The following P3H2 variants were observed in gnomAD, a reference collection of about 807,000 sequenced individuals.
The protein encoded by P3H2 is leprecan-like 1.
Under a neutral mutation model 87.0 loss-of-function variants are expected in P3H2, and 80 were observed. The observed-to-expected ratio is 0.92, with a 90% confidence interval of 0.77 to 1.11. The LOEUF is 1.11. Ranked by LOEUF, P3H2 falls within the 50% of genes least tolerant of loss-of-function variation. The pLI is 0.00. For missense variants in P3H2, 1,001 were observed against 923.9 expected, an observed-to-expected ratio of 1.08 and a Z score of -1.08; for synonymous variants, 367 against 359.3, an observed-to-expected ratio of 1.02 and a Z score of -0.24.
chr3:189,959,860 ATGTG>A (rs75204350), intron 14 of P3H2, among the ~76,000 whole-genome samples: 3,458 of 134,646 alleles, frequency 0.026, 108 homozygotes, highest in African/African-American at 0.078. Context: ...TGGAGGAGAT[ATGTG>A]TGTGTGTGTG....
At chr3:189,994,422 G>T in intron 2 of P3H2, 139 bp from the exon 3 acceptor site, 1 of 680,240 alleles carries the variant, frequency 1.5e-6, no homozygotes, top group South Asian at 1.8e-5. Flanking sequence ...GCTGCGGAGG[G>T]ATAAAGAAGG....
At chr3:189,986,739 G>T in intron 6 of P3H2, 49 bp downstream of exon 6, 2 of 1,301,696 alleles carry the variant, frequency 1.5e-6, no homozygotes, top group South Asian at 1.2e-5. Flanking sequence ...AACATAAAAA[G>T]GATTCCACTG....
At chr3:190,061,872 G>A (rs146001679) in intron 1 of P3H2, among the ~76,000 whole-genome samples, 2 of 152,276 alleles carry the variant, frequency 1.3e-5, no homozygotes, top group East Asian at 1.9e-4. Flanking sequence ...TCCTCAGTCT[G>A]TCCAGGCTTT....
Position 189,957,739 on chromosome 3 carries a change from C to T in P3H2, c.*173G>A. The T allele has an allele frequency of 1.7e-6, 1 of 602,218 alleles. No individual in the cohort carries two copies. Among genetic ancestry groups the T allele is most frequent in the East Asian group, 2.8e-5 (1 of 35,364 alleles). 37.3% of individuals were successfully genotyped at this position (602,218 alleles called of 1,614,324 possible). ...GAGAGAGAGAGAAAACAACCCAAAACAAGAAAGATAGATTGATAGATTGAG... is the reference window on the plus strand; with the variant it reads ...GAGAGAGAGAGAAAACAACCCAAAATAAGAAAGATAGATTGATAGATTGAG... On this transcript the variant is annotated 3_prime_UTR_variant, in exon 15 of 15. Coordinates refer to ENST00000319332, the MANE Select transcript of P3H2 (RefSeq NM_018192.4).
In P3H2 at chr3:190,041,063, C is replaced by T. The variant is rs1207892262; in HGVS notation, c.481-45621G>A. The stretch of plus-strand genomic sequence containing the variant: ...ACACACACACACACACACACACACA[C>T]ACACACACACACACACACTCTCTCT... On this transcript the variant is annotated intron_variant, in intron 1 of 14. Coordinates refer to ENST00000319332, the MANE Select transcript of P3H2 (RefSeq NM_018192.4). 4.8e-3 allele frequency among the ~76,000 whole-genome samples: 185 copies of T among 38,326 alleles called. 10 individuals carry two copies. The highest frequency in any genetic ancestry group is 0.036 in the East Asian group (36 of 1,014). The allele number at this position is 38,326 out of a possible 152,430, so 25.1% of individuals were successfully genotyped here. A position where few individuals can be genotyped will look rare whatever the true frequency, so the allele number is the denominator to read the frequency against.
chr3:189,959,937 T>G (rs1722763677), intron 14 of P3H2, among the ~76,000 whole-genome samples: 1 of 149,942 alleles, frequency 6.7e-6, no homozygotes, highest in African/African-American at 2.5e-5. Flanking sequence ...CTACATGACT[T>G]TCCACTAGTT....
intron 1 of P3H2, among the ~76,000 whole-genome samples, chr3:190,021,212 C>A (rs13322557): frequency 0.069 from 9,317 of 134,390 alleles, 1,964 homozygotes; most frequent in African/African-American, 0.22. Flanking sequence ...AAAGTGCTTG[C>A]GAGGTTCCAG....
intron 1 of P3H2, among the ~76,000 whole-genome samples, chr3:190,038,252 A>T (rs1029339035): frequency 4.0e-5 from 6 of 151,630 alleles, no homozygotes; most frequent in Non-Finnish European, 8.8e-5. Context: ...AAAAAAAAAA[A>T]AAAACTGTCA....
At chr3:190,070,483 G>T (rs568193523) in intron 1 of P3H2, among the ~76,000 whole-genome samples, 7 of 152,204 alleles carry the variant, frequency 4.6e-5, no homozygotes, top group Non-Finnish European at 8.8e-5. Context: ...TGTCCTTCAT[G>T]AGGGTATCCA....
intron 1 of P3H2, among the ~76,000 whole-genome samples, chr3:190,101,847 G>A (rs983481661): frequency 3.3e-5 from 5 of 152,118 alleles, no homozygotes; most frequent in African/African-American, 9.7e-5. Flanking sequence ...TGTTAATGCC[G>A]GATGTTAAAG....
At chr3:190,087,230 C>T (rs1406928794) in intron 1 of P3H2, among the ~76,000 whole-genome samples, 1 of 152,116 alleles carries the variant, frequency 6.6e-6, no homozygotes, top group African/African-American at 2.4e-5. Context: ...TCTGTATCAT[C>T]TGCTTTAATA....
intron 1 of P3H2, chr3:190,116,482 T>A (rs1267425538): frequency 6.6e-6 from 1 of 152,198 alleles, no homozygotes; most frequent in South Asian, 2.1e-4. Flanking sequence ...ATTAATCCCA[T>A]ATCTATCCAT....
chr3:190,055,279 C>T lies in P3H2; in HGVS notation c.481-59837G>A, dbSNP rs1726114694. Among the ~76,000 whole-genome samples the T allele has an allele frequency of 2.0e-5, 3 of 151,766 alleles. No individual in the cohort carries two copies. In the South Asian group the frequency reaches 6.2e-4, roughly 31 times the overall value. On this transcript the variant is annotated intron_variant, in intron 1 of 14. Coordinates refer to ENST00000319332, the MANE Select transcript of P3H2 (RefSeq NM_018192.4). ...CTCAGTACTTAGCCAAGTTTGTGTTCGTTTGGATAAAACTTCTAAAAATTT... is the reference window on the plus strand; with the variant it reads ...CTCAGTACTTAGCCAAGTTTGTGTTTGTTTGGATAAAACTTCTAAAAATTT...
intron 1 of P3H2, among the ~76,000 whole-genome samples, chr3:190,014,538 A>C (rs1367728826): frequency 6.6e-6 from 1 of 152,214 alleles, no homozygotes; most frequent in Non-Finnish European, 1.5e-5. Context: ...AAGAAGCTCC[A>C]ATTGGCTGCA....
chr3:190,007,959 G>GACACACACACAC (rs371622835), intron 1 of P3H2, among the ~76,000 whole-genome samples: 22 of 100,714 alleles, frequency 2.2e-4, no homozygotes, highest in Middle Eastern at 4.9e-3. Flanking sequence ...TCTATTTGTT[G>GACACACACACAC]ACACACATAT....
intron 1 of P3H2, among the ~76,000 whole-genome samples, chr3:190,041,089 CTCT>C (rs1560375134): frequency 1.8e-4 from 6 of 32,568 alleles, no homozygotes; most frequent in Admixed American, 8.9e-4. Flanking sequence ...CACTCTCTCT[CTCT>C]ATATATATAT....
At chr3:190,097,802 A>G (rs1281220422) in intron 1 of P3H2, among the ~76,000 whole-genome samples, 1 of 151,906 alleles carries the variant, frequency 6.6e-6, no homozygotes, top group East Asian at 1.9e-4. Context: ...CCCACGCCCC[A>G]CCCCCGCAGG....
At chr3:190,025,888 T>C (rs1725072886) in intron 1 of P3H2, among the ~76,000 whole-genome samples, 1 of 152,202 alleles carries the variant, frequency 6.6e-6, no homozygotes, top group Non-Finnish European at 1.5e-5. Context: ...TTTGAAAAGC[T>C]AATTTTAGAA....
chr3:190,007,965 C>CATATATATATATATATATAT (rs1553875103), intron 1 of P3H2, among the ~76,000 whole-genome samples: 5 of 94,320 alleles, frequency 5.3e-5, no homozygotes, highest in South Asian at 4.1e-4. Flanking sequence ...TGTTGACACA[C>CATATATATATATATATATAT]ATATATATAT....
Sources: allele counts gnomAD v4.1 joint callset (sites outside exome capture counted in the v4.1 genomes callset), GRCh38; gene constraint gnomAD v4.1.1; transcripts MANE v1.5; gene names NCBI Gene and HGNC (gene_info 2026-07-23, HGNC 2026-07-21).